The following MTUS2 variants were observed in gnomAD, a reference collection of about 807,000 sequenced individuals.
MTUS2 encodes the protein microtubule associated scaffold protein 2, also known as microtubule-associated tumor suppressor candidate 2.
Under a neutral mutation model 114.1 loss-of-function variants are expected in MTUS2, and 40 were observed. That is an observed-to-expected ratio of 0.35 (90% confidence interval 0.27 to 0.46). The LOEUF (loss-of-function observed/expected upper bound fraction) is 0.46, where lower values mean the gene tolerates loss of function less well. Among genes scored for constraint, MTUS2 ranks in the 20% least tolerant of loss-of-function variants. MTUS2 has a pLI of 1.00. For synonymous variants in MTUS2, 688 were observed against 672.0 expected (o/e 1.02, Z -0.37); for missense variants, 1,679 against 1,705.4 (o/e 0.98, Z 0.27).
intron 2 of MTUS2, among the ~76,000 whole-genome samples, chr13:28,975,730 A>G (rs139031503): frequency 1.6e-3 from 236 of 152,220 alleles, no homozygotes; most frequent in African/African-American, 5.4e-3. Context: ...TTTTATCCCT[A>G]ATTTTTGTGG....
At chr13:29,398,478 AAAG>A (rs1195133583) in intron 8 of MTUS2, among the ~76,000 whole-genome samples, 1 of 115,716 alleles carries the variant, frequency 8.6e-6, no homozygotes, top group Non-Finnish European at 2.0e-5. Flanking sequence ...AAAAAAAAAA[AAAG>A]AAAGAAAAAG....
intron 8 of MTUS2, among the ~76,000 whole-genome samples, chr13:29,377,464 A>G (rs1871841139): frequency 6.6e-6 from 1 of 152,208 alleles, no homozygotes; most frequent in East Asian, 1.9e-4. Flanking sequence ...CAAACCAATA[A>G]GACAATAATA....
chr13:29,196,159 C>T (rs994225901), intron 5 of MTUS2, among the ~76,000 whole-genome samples: 8 of 150,894 alleles, frequency 5.3e-5, no homozygotes, highest in East Asian at 2.0e-4. Context: ...TGCAGTGGCG[C>T]GATCTCAGCT....
intron 7 of MTUS2, among the ~76,000 whole-genome samples, chr13:29,325,541 A>G (rs113122587): frequency 0.16 from 13,318 of 84,928 alleles, 779 homozygotes; most frequent in Admixed American, 0.24. Context: ...AGGAGAAGAA[A>G]AGAAGAAGGA....
chr13:28,875,768 T>A (rs57428000), intron 2 of MTUS2, among the ~76,000 whole-genome samples: 6,722 of 152,276 alleles, frequency 0.044, 481 homozygotes, highest in African/African-American at 0.15. Flanking sequence ...TATTTATTGA[T>A]GTTAAGGATA....
At chr13:29,254,233 A>C (rs536314091) in intron 5 of MTUS2, among the ~76,000 whole-genome samples, 6 of 152,304 alleles carry the variant, frequency 3.9e-5, no homozygotes, top group Non-Finnish European at 7.4e-5. Flanking sequence ...GCTTAGCTCC[A>C]CTGGGGCTTA....
Position 29,439,970 on chromosome 13 carries a change from T to C in MTUS2, c.3118-13T>C. Reference sequence around the variant, plus strand: ...AACTAGGGGACTCTCGGTATCCGTTTTTGTTTTTTCAGAATGAAAGTGCCC... The same window carrying C: ...AACTAGGGGACTCTCGGTATCCGTTCTTGTTTTTTCAGAATGAAAGTGCCC... On this transcript the variant is annotated splice_polypyrimidine_tract_variant and intron_variant, in intron 8 of 15. Transcript: ENST00000612955. 6.4e-7 allele frequency: 1 copy of C among 1,572,976 alleles called. No homozygotes were observed. The highest frequency in any genetic ancestry group is 8.6e-7 in the Non-Finnish European group (1 of 1,156,674).
At chr13:28,984,640 A>G (rs1473267666) in intron 2 of MTUS2, among the ~76,000 whole-genome samples, 1 of 152,218 alleles carries the variant, frequency 6.6e-6, no homozygotes, top group East Asian at 1.9e-4. Flanking sequence ...TCGAACCCCT[A>G]TGACGTAATT....
At chr13:29,087,188 A>G (rs756221535) in intron 4 of MTUS2, among the ~76,000 whole-genome samples, 8 of 152,172 alleles carry the variant, frequency 5.3e-5, no homozygotes, top group Admixed American at 3.9e-4. Flanking sequence ...CCAGTTCTTA[A>G]TGAGAATGCT....
intron 2 of MTUS2, among the ~76,000 whole-genome samples, chr13:28,937,950 C>T (rs890711508): frequency 3.9e-5 from 6 of 152,194 alleles, no homozygotes; most frequent in Admixed American, 1.3e-4. Flanking sequence ...AGATTCCTAA[C>T]CACTGACCCA....
At chr13:28,968,177 AAGTT>A (rs1883687523) in intron 2 of MTUS2, among the ~76,000 whole-genome samples, 1 of 152,098 alleles carries the variant, frequency 6.6e-6, no homozygotes, top group Non-Finnish European at 1.5e-5. Flanking sequence ...TTTTTCATAA[AAGTT>A]AGTTTTAAAA....
intron 6 of MTUS2, among the ~76,000 whole-genome samples, chr13:29,314,495 A>G (rs1899905598): frequency 6.6e-6 from 1 of 152,188 alleles, no homozygotes; most frequent in Non-Finnish European, 1.5e-5. Flanking sequence ...TATTGCAATG[A>G]TGGGGGAGGT....
At chr13:28,999,815 CTCTAT>C (rs2138376921) in intron 2 of MTUS2, among the ~76,000 whole-genome samples, 1 of 152,328 alleles carries the variant, frequency 6.6e-6, no homozygotes, top group African/African-American at 2.4e-5. Flanking sequence ...CTATTTTACT[CTCTAT>C]TGCTATGAGA....
rs1222698430 is a variant in MTUS2, at chr13:29,389,245, A to ATG, written c.3117+29773_3117+29774insGT. Among the ~76,000 whole-genome samples the ATG allele has an allele frequency of 3.0e-3, 417 of 140,696 alleles. 36 individuals are homozygous for ATG. Among genetic ancestry groups the ATG allele is most frequent in the African/African-American group, 0.012 (396 of 31,790 alleles). The allele number at this position is 140,696 out of a possible 152,430, so 92.3% of individuals were successfully genotyped here. ...TGTATGTATATATGTATGTGTGTAT[A>ATG]TATATGTATACACATGTGTGTATAT... On this transcript the variant is annotated intron_variant, in intron 8 of 15. Coordinates refer to ENST00000612955, the MANE Select transcript of MTUS2 (RefSeq NM_001033602.4).
chr13:29,416,071 AC>A (rs2138571409), intron 8 of MTUS2, among the ~76,000 whole-genome samples: 1 of 140,346 alleles, frequency 7.1e-6, no homozygotes, highest in African/African-American at 2.6e-5. Context: ...ACTCACCGCC[AC>A]ACCCCACTAA....
At chr13:28,832,864 A>G (rs1202691559) in intron 1 of MTUS2, among the ~76,000 whole-genome samples, 1 of 151,830 alleles carries the variant, frequency 6.6e-6, no homozygotes, top group Admixed American at 6.6e-5. Context: ...AAGAGAGAAG[A>G]ATCAGTTATT....
At chr13:29,098,443 TC>T (rs918107889) in intron 4 of MTUS2, among the ~76,000 whole-genome samples, 1 of 18,694 alleles carries the variant, frequency 5.3e-5, no homozygotes, top group Non-Finnish European at 1.7e-4. Flanking sequence ...TTGCAAGTCA[TC>T]TAAACACACA....
intron 5 of MTUS2, among the ~76,000 whole-genome samples, chr13:29,243,381 A>G (rs1276828225): frequency 6.6e-6 from 1 of 152,220 alleles, no homozygotes; most frequent in Non-Finnish European, 1.5e-5. Context: ...AGGCAAGGAA[A>G]GCAGCAAATG....
At chr13:28,882,215 C>T (rs182513289) in intron 2 of MTUS2, among the ~76,000 whole-genome samples, 19 of 152,100 alleles carry the variant, frequency 1.2e-4, no homozygotes, top group East Asian at 1.9e-4. Flanking sequence ...GCATGCCATC[C>T]ACCTGGCAAA....
Sources: allele counts gnomAD v4.1 joint callset (sites outside exome capture counted in the v4.1 genomes callset), GRCh38; gene constraint gnomAD v4.1.1; transcripts MANE v1.5; gene names NCBI Gene and HGNC (gene_info 2026-07-23, HGNC 2026-07-21).